Variants in SV2C observed in about 807,000 individuals in gnomAD.
SV2C encodes the protein solute carrier family 22 member B3.
Under a neutral mutation model 79.7 loss-of-function variants are expected in SV2C, and 49 were observed. The observed-to-expected ratio is 0.61, with a 90% CI of 0.49 to 0.78. The LOEUF is 0.78. Ranked by LOEUF, SV2C falls within the 30% of genes least tolerant of loss-of-function variation. The probability of loss-of-function intolerance (pLI) is 0.00; values close to 1 mark genes in which losing one functional copy is unlikely to be tolerated. For synonymous variants in SV2C, 334 were observed against 333.2 expected (o/e 1.00, Z -0.03); for missense variants, 833 against 912.9 (o/e 0.91, Z 1.13).
intron 3 of SV2C, among the ~76,000 whole-genome samples, chr5:76,201,043 C>CTTAGAA (rs1386071636): frequency 6.6e-6 from 1 of 152,204 alleles, no homozygotes; most frequent in East Asian, 1.9e-4. Flanking sequence ...AGCATATCTT[C>CTTAGAA]TTAGAAACAC....
the SV2C span, among the ~76,000 whole-genome samples, chr5:76,016,254 T>TAAAAAAAAAAAAAAAAAAAAAAAAAAAAA: frequency 1.1e-5 from 1 of 90,374 alleles, no homozygotes; most frequent in African/African-American, 5.1e-5. Flanking sequence ...TTTAATTTTC[T>TAAAAAAAAAAAAAAAAAAAAAAAAAAAAA]AAAAAAAAAA....
chr5:75,946,551 C>T, the SV2C span, among the ~76,000 whole-genome samples: 1 of 151,974 alleles, frequency 6.6e-6, no homozygotes, highest in South Asian at 2.1e-4. Flanking sequence ...TTTAACTATT[C>T]CGGGTCCTTT....
Position 76,163,679 on chromosome 5 carries a change from C to A in SV2C, c.581-31240C>A, listed in dbSNP as rs78440365. Among the ~76,000 whole-genome samples, 259 of 152,296 alleles carry A rather than the reference C, an allele frequency of 1.7e-3. 3 individuals carry two copies. In the East Asian group the frequency reaches 0.037, roughly 22 times the overall value. ...TCCTCTTTGAGGTCTTTTTCTTTTTCTCACACAGATTAAACATTTTAAGAA... is the reference window on the plus strand; with the variant it reads ...TCCTCTTTGAGGTCTTTTTCTTTTTATCACACAGATTAAACATTTTAAGAA... On this transcript the variant is annotated intron_variant, in intron 2 of 12. Coordinates refer to ENST00000502798, the MANE Select transcript of SV2C (RefSeq NM_014979.4).
chr5:76,261,379 C>A (rs1393712298), intron 4 of SV2C, among the ~76,000 whole-genome samples: 2 of 152,166 alleles, frequency 1.3e-5, no homozygotes, highest in Non-Finnish European at 2.9e-5. Context: ...ACAAACATGT[C>A]ATCTGCAAAC....
the SV2C span, among the ~76,000 whole-genome samples, chr5:75,975,718 A>G: frequency 6.6e-6 from 1 of 152,192 alleles, no homozygotes; most frequent in Admixed American, 6.5e-5. Flanking sequence ...TGGGATGCAT[A>G]TATTACAGGC....
chr5:76,009,752 T>A, the SV2C span, among the ~76,000 whole-genome samples: 1 of 152,072 alleles, frequency 6.6e-6, no homozygotes, highest in Non-Finnish European at 1.5e-5. Context: ...GGGGGACCCC[T>A]AGAGCTCAGA....
At chr5:76,226,278 C>T (rs1745235992) in intron 4 of SV2C, among the ~76,000 whole-genome samples, 1 of 151,344 alleles carries the variant, frequency 6.6e-6, no homozygotes, top group Non-Finnish European at 1.5e-5. Context: ...AGATGGGCAA[C>T]TTAAATATCC....
At chr5:76,173,470 G>T (rs1743395834) in intron 2 of SV2C, among the ~76,000 whole-genome samples, 1 of 152,130 alleles carries the variant, frequency 6.6e-6, no homozygotes, top group Non-Finnish European at 1.5e-5. Flanking sequence ...ATTAGAATGT[G>T]CAAACTGATA....
At chr5:76,324,754 G>A (rs1305404629) in intron 12 of SV2C, among the ~76,000 whole-genome samples, 1 of 152,144 alleles carries the variant, frequency 6.6e-6, no homozygotes, top group African/African-American at 2.4e-5. Flanking sequence ...AACTCAGGAG[G>A]CTGAGGTAGG....
intron 12 of SV2C, among the ~76,000 whole-genome samples, chr5:76,303,540 A>G (rs1206525292): frequency 6.6e-6 from 1 of 152,140 alleles, no homozygotes; most frequent in Non-Finnish European, 1.5e-5. Context: ...TTTTTCTTGT[A>G]TACTATAAGA....
upstream of SV2C, among the ~76,000 whole-genome samples, chr5:76,081,347 G>A (rs980312745): frequency 6.6e-6 from 1 of 152,168 alleles, no homozygotes; most frequent in African/African-American, 2.4e-5. Context: ...AGAACTCAGT[G>A]AATTGCCAGC....
intron 1 of SV2C, among the ~76,000 whole-genome samples, chr5:76,118,999 G>A (rs1324704753): frequency 1.3e-5 from 2 of 152,062 alleles, no homozygotes; most frequent in Non-Finnish European, 2.9e-5. Context: ...AAAAGAAAAG[G>A]AAAGACATCA....
At chr5:76,156,297 A>G (rs1456477195) in intron 2 of SV2C, among the ~76,000 whole-genome samples, 2 of 152,212 alleles carry the variant, frequency 1.3e-5, no homozygotes, top group African/African-American at 4.8e-5. Flanking sequence ...ACCCAAGGCT[A>G]CATCCCCTGA....
intron 12 of SV2C, among the ~76,000 whole-genome samples, chr5:76,310,473 G>C (rs1011160180): frequency 2.0e-5 from 3 of 152,200 alleles, no homozygotes; most frequent in African/African-American, 7.2e-5. Context: ...GGCTGGAGCA[G>C]AATGACCAAG....
At chr5:76,038,676 T>C in the SV2C span, among the ~76,000 whole-genome samples, 2 of 152,228 alleles carry the variant, frequency 1.3e-5, no homozygotes, top group African/African-American at 4.8e-5. Context: ...CTTATCTTAG[T>C]CTATAAAGGA....
At chr5:76,117,019 C>T (rs1182685649) in intron 1 of SV2C, among the ~76,000 whole-genome samples, 1 of 152,176 alleles carries the variant, frequency 6.6e-6, no homozygotes, top group Non-Finnish European at 1.5e-5. Context: ...GGACTGTCAG[C>T]ATGGTTCAGA....
At chr5:76,237,938 T>C (rs570330329) in intron 4 of SV2C, among the ~76,000 whole-genome samples, 53 of 151,646 alleles carry the variant, frequency 3.5e-4, no homozygotes, top group African/African-American at 1.3e-3. Context: ...CCATTTTAAT[T>C]TGAAGGCTTA....
At chr5:76,156,518 C>A (rs1742733457) in intron 2 of SV2C, among the ~76,000 whole-genome samples, 1 of 152,012 alleles carries the variant, frequency 6.6e-6, no homozygotes, top group African/African-American at 2.4e-5. Context: ...AAGATATGAC[C>A]TATACACTAG....
rs74877956 is a variant in SV2C, at chr5:76,216,610, T to G, written c.913+6723T>G. ...CCAGGAGTTCGAGAAAATTTGGCTC[T>G]TCTTGACCTAACACCCGTTCTCAAG... On this transcript the variant is annotated intron_variant, in intron 4 of 12. Transcript: ENST00000502798. 4.8e-3 allele frequency among the ~76,000 whole-genome samples: 729 copies of G among 152,326 alleles called. 1 individual carries two copies. The highest frequency in any genetic ancestry group is 8.1e-3 in the Non-Finnish European group (550 of 68,030).
Sources: allele counts gnomAD v4.1 joint callset (sites outside exome capture counted in the v4.1 genomes callset), GRCh38; gene constraint gnomAD v4.1.1; transcripts MANE v1.5; gene names NCBI Gene and HGNC (gene_info 2026-07-23, HGNC 2026-07-21).